Variants in NFIB observed in about 807,000 individuals in gnomAD.
The protein encoded by NFIB is nuclear factor I B.
In NFIB, 11 loss-of-function variants were observed where a neutral mutation model predicts 61.5. The ratio of observed to expected loss-of-function variants is 0.18; its 90% CI spans 0.11 to 0.30. NFIB has a LOEUF of 0.30. Among genes scored for constraint, NFIB ranks in the 10% least tolerant of loss-of-function variants. The pLI is 1.00. For missense variants in NFIB, 471 were observed against 608.9 expected, an observed-to-expected ratio of 0.77 and a Z score of 2.38; for synonymous variants, 260 against 216.5, an observed-to-expected ratio of 1.20 and a Z score of -1.76.
intron 1 of NFIB, among the ~76,000 whole-genome samples, chr9:14,389,932 T>C (rs996466916): frequency 4.6e-5 from 7 of 152,206 alleles, no homozygotes; most frequent in African/African-American, 1.7e-4. Context: ...AAACATATGA[T>C]TTCCATTAGA....
At chr9:14,355,882 G>A (rs1359927516) in intron 1 of NFIB, among the ~76,000 whole-genome samples, 2 of 151,964 alleles carry the variant, frequency 1.3e-5, no homozygotes, top group Non-Finnish European at 2.9e-5. Flanking sequence ...GCATGAACCC[G>A]GGAGGCGGAG....
chr9:14,408,835 A>C, the NFIB span, among the ~76,000 whole-genome samples: 1 of 152,298 alleles, frequency 6.6e-6, no homozygotes, highest in African/African-American at 2.4e-5. Context: ...TGCTTCATAA[A>C]TATCATTTTT....
chr9:14,136,089 C>A (rs1420771042), intron 6 of NFIB, among the ~76,000 whole-genome samples: 1 of 152,102 alleles, frequency 6.6e-6, no homozygotes, highest in African/African-American at 2.4e-5. Flanking sequence ...TTGAAGCTCA[C>A]AAATGTCTTC....
At chr9:14,511,469 A>G in the NFIB span, among the ~76,000 whole-genome samples, 1 of 151,952 alleles carries the variant, frequency 6.6e-6, no homozygotes, top group Admixed American at 6.6e-5. Context: ...AGTGCTTATT[A>G]TATAATAGTT....
chr9:14,300,618 TCAAA>T (rs1271544215), intron 2 of NFIB, among the ~76,000 whole-genome samples: 1 of 152,224 alleles, frequency 6.6e-6, no homozygotes, highest in African/African-American at 2.4e-5. Flanking sequence ...ACTTGGAGCT[TCAAA>T]CAAAGCAATA....
At chr9:14,137,850 T>C (rs1263468271) in intron 6 of NFIB, among the ~76,000 whole-genome samples, 1 of 152,136 alleles carries the variant, frequency 6.6e-6, no homozygotes, top group African/African-American at 2.4e-5. Flanking sequence ...AAAAGTGATT[T>C]TAACCTGATT....
intron 2 of NFIB, among the ~76,000 whole-genome samples, chr9:14,184,567 G>C (rs977143645): frequency 3.3e-5 from 5 of 152,116 alleles, no homozygotes; most frequent in African/African-American, 1.2e-4. Context: ...AGCTCTGTAA[G>C]ATGTGTGTTA....
the NFIB span, among the ~76,000 whole-genome samples, chr9:14,452,132 T>C: frequency 1.2e-4 from 19 of 152,292 alleles, no homozygotes; most frequent in South Asian, 1.4e-3. Flanking sequence ...AAGCCTTTCT[T>C]ATTCCTTTGT....
intron 6 of NFIB, among the ~76,000 whole-genome samples, chr9:14,144,733 A>G (rs148032703): frequency 1.3e-5 from 2 of 152,316 alleles, no homozygotes; most frequent in East Asian, 3.9e-4. Context: ...GTTGACAGAG[A>G]AAACTAGGAA....
intron 2 of NFIB, among the ~76,000 whole-genome samples, chr9:14,196,580 G>C (rs905857165): frequency 1.3e-5 from 2 of 151,660 alleles, no homozygotes; most frequent in African/African-American, 4.8e-5. Context: ...GTAATTAGGA[G>C]CATCAAGTTA....
At chr9:14,249,135 T>C (rs7047241) in intron 2 of NFIB, among the ~76,000 whole-genome samples, 5,011 of 152,292 alleles carry the variant, frequency 0.033, 274 homozygotes, top group African/African-American at 0.11. Context: ...AAGAACTTAG[T>C]GATAAGAAAT....
At chr9:14,434,818 A>G in the NFIB span, among the ~76,000 whole-genome samples, 1 of 152,360 alleles carries the variant, frequency 6.6e-6, no homozygotes, top group East Asian at 1.9e-4. Flanking sequence ...CAAAATGCAC[A>G]GGAATACCTA....
At chr9:14,241,071 A>C (rs1266528711) in intron 2 of NFIB, among the ~76,000 whole-genome samples, 1 of 152,232 alleles carries the variant, frequency 6.6e-6, no homozygotes, top group Non-Finnish European at 1.5e-5. Context: ...GCTGAGAAAG[A>C]AAGCACATGG....
the NFIB span, among the ~76,000 whole-genome samples, chr9:14,416,935 C>G: frequency 1.3e-5 from 2 of 149,810 alleles, no homozygotes; most frequent in Non-Finnish European, 2.9e-5. Context: ...CCCTGTTGCC[C>G]AGGCTGGAGT....
chr9:14,391,285 T>A (rs796514944), intron 1 of NFIB, among the ~76,000 whole-genome samples: 12 of 152,080 alleles, frequency 7.9e-5, no homozygotes, highest in African/African-American at 2.9e-4. Context: ...ATCTCTGTGG[T>A]CTTGTTAGGG....
chr9:14,138,048 C>T (rs991707345), intron 6 of NFIB, among the ~76,000 whole-genome samples: 3 of 152,054 alleles, frequency 2.0e-5, no homozygotes, highest in African/African-American at 2.4e-5. Context: ...ATAGCAATAA[C>T]GAGCATGGGT....
At chr9:14,426,720 C>A in the NFIB span, among the ~76,000 whole-genome samples, 1 of 152,260 alleles carries the variant, frequency 6.6e-6, no homozygotes, top group African/African-American at 2.4e-5. Flanking sequence ...GGAGGACATT[C>A]AGAAATAAAT....
intron 1 of NFIB, among the ~76,000 whole-genome samples, chr9:14,356,464 G>A (rs76357010): frequency 0.012 from 1,833 of 152,258 alleles, 44 homozygotes; most frequent in African/African-American, 0.042. Context: ...GGCTGATGCT[G>A]GTGGGCTTTG....
chr9:14,467,466 G>A, the NFIB span, among the ~76,000 whole-genome samples: 4 of 152,206 alleles, frequency 2.6e-5, no homozygotes, highest in Non-Finnish European at 5.9e-5. Flanking sequence ...AATAGGCTTA[G>A]GGCTGCCAAC....
Sources: allele counts gnomAD v4.1 joint callset (sites outside exome capture counted in the v4.1 genomes callset), GRCh38; gene constraint gnomAD v4.1.1; transcripts MANE v1.5; gene names NCBI Gene and HGNC (gene_info 2026-07-23, HGNC 2026-07-21).